CACNG2: variants seen among roughly 807,000 people sequenced by gnomAD.
CACNG2 encodes the protein calcium voltage-gated channel auxiliary subunit gamma 2, also known as voltage-dependent calcium channel gamma-2 subunit.
A neutral mutation model predicts 25.9 loss-of-function variants in CACNG2; 3 were observed. The observed-to-expected ratio is 0.12, with a 90% confidence interval of 0.05 to 0.30. The LOEUF (loss-of-function observed/expected upper bound fraction) is 0.30. CACNG2 is among the 10% of genes least tolerant of loss of function. CACNG2 has a pLI of 1.00. For missense variants in CACNG2, 341 were observed against 432.5 expected (o/e 0.79, Z 1.88); for synonymous variants, 167 against 173.3 (o/e 0.96, Z 0.29).
At chr22:36,592,096 C>G (rs1039760206) in intron 1 of CACNG2, among the ~76,000 whole-genome samples, 1 of 151,722 alleles carries the variant, frequency 6.6e-6, no homozygotes, top group Non-Finnish European at 1.5e-5. Flanking sequence ...TGGAGAGTTG[C>G]GTCTAACCAG....
chr22:36,674,454 G>A (rs887091095), intron 1 of CACNG2, among the ~76,000 whole-genome samples: 6 of 152,032 alleles, frequency 3.9e-5, no homozygotes, highest in African/African-American at 1.2e-4. Flanking sequence ...TCAGCCTCCT[G>A]GGTAGCTGGG....
chr22:36,645,333 C>T (rs540184935), intron 1 of CACNG2, among the ~76,000 whole-genome samples: 10 of 151,964 alleles, frequency 6.6e-5, no homozygotes, highest in African/African-American at 1.9e-4. Context: ...ATCAGGAGAT[C>T]GAGACCATCC....
intron 1 of CACNG2, among the ~76,000 whole-genome samples, chr22:36,699,126 T>A (rs1049656624): frequency 7.9e-5 from 12 of 152,010 alleles, no homozygotes; most frequent in African/African-American, 2.7e-4. Flanking sequence ...TCTTGAAAAG[T>A]TCATGAACTT....
At chr22:36,653,971 T>C (rs1426195126) in intron 1 of CACNG2, among the ~76,000 whole-genome samples, 3 of 108,920 alleles carry the variant, frequency 2.8e-5, no homozygotes, top group African/African-American at 4.1e-5. Flanking sequence ...TGTGTGTGTG[T>C]GTGTGTGTCT....
intron 1 of CACNG2, among the ~76,000 whole-genome samples, chr22:36,619,181 C>G (rs886301274): frequency 6.6e-6 from 1 of 152,272 alleles, no homozygotes; most frequent in South Asian, 2.1e-4. Flanking sequence ...AGGATTTCAA[C>G]TCAGTTCTGT....
At chr22:36,668,919 G>C (rs2284004) in intron 1 of CACNG2, among the ~76,000 whole-genome samples, 34,697 of 152,012 alleles carry the variant, frequency 0.23, 4,301 homozygotes, top group Middle Eastern at 0.32. Flanking sequence ...CTTCTTCAAC[G>C]TTTCTGTTCT....
At chr22:36,595,108 G>T (rs1446979151) in intron 1 of CACNG2, among the ~76,000 whole-genome samples, 1 of 148,198 alleles carries the variant, frequency 6.7e-6, no homozygotes, top group Non-Finnish European at 1.5e-5. Flanking sequence ...TGTGTGCATG[G>T]GTGTGTGTGT....
intron 2 of CACNG2, among the ~76,000 whole-genome samples, chr22:36,570,677 A>C (rs8137598): frequency 0.12 from 18,085 of 148,968 alleles, 1,746 homozygotes; most frequent in African/African-American, 0.27. Flanking sequence ...GCAGGAAGAT[A>C]GCTTCAACTT....
At chr22:36,677,977 G>T (rs1040456101) in intron 1 of CACNG2, among the ~76,000 whole-genome samples, 50 of 152,214 alleles carry the variant, frequency 3.3e-4, no homozygotes, top group African/African-American at 1.2e-3. Flanking sequence ...AAGCCAGCTT[G>T]GAAGCTGCTA....
intron 2 of CACNG2, among the ~76,000 whole-genome samples, chr22:36,580,505 C>T (rs576150600): frequency 6.6e-6 from 1 of 152,174 alleles, no homozygotes; most frequent in Non-Finnish European, 1.5e-5. Flanking sequence ...CTCTCCACTT[C>T]TGGCTATGGA....
intron 1 of CACNG2, among the ~76,000 whole-genome samples, chr22:36,611,999 G>C (rs1337736860): frequency 6.6e-6 from 1 of 152,238 alleles, no homozygotes; most frequent in East Asian, 1.9e-4. Context: ...TGGTTGTGAA[G>C]ATTAAAGAGC....
At chr22:36,611,284 G>A (rs974895592) in intron 1 of CACNG2, among the ~76,000 whole-genome samples, 1 of 152,116 alleles carries the variant, frequency 6.6e-6, no homozygotes, top group African/African-American at 2.4e-5. Flanking sequence ...GGAGGGTCCC[G>A]GCCCATTCTG....
rs1935088391 is a variant in CACNG2 at position 36,564,360 on chromosome 22, G to C, written c.963C>G (p.Thr321=). Residue 321 remains threonine (T), a synonymous_variant, in exon 4 of 4, where the codon ACC becomes ACG. Transcript: ENST00000300105. This position sits in a 1 kb window ranked among gnomAD's most constrained non-coding sequence, Gnocchi z 6.7. The part of the protein sequence containing the change: ...LHSNTANRRT[T]PV ...GCGAGGCCCGCGGTCTTTATACGGG[G>C]GTGGTCCGGCGGTTGGCTGTGTTGG... 3 of 1,613,690 alleles carry C rather than the reference G, an allele frequency of 1.9e-6. No homozygotes were observed. The East Asian group carries it at 6.7e-5, about 36-fold the overall frequency.
chr22:36,573,546 G>T (rs549304099), intron 2 of CACNG2, among the ~76,000 whole-genome samples: 9 of 152,274 alleles, frequency 5.9e-5, no homozygotes, highest in Admixed American at 5.9e-4. Flanking sequence ...TGGCCAGCCT[G>T]GTCTCGAACT....
chr22:36,673,240 C>A, intron 1 of CACNG2, among the ~76,000 whole-genome samples: 1 of 151,852 alleles, frequency 6.6e-6, no homozygotes, highest in Non-Finnish European at 1.5e-5. Context: ...TATAAAAAAA[C>A]AAAATGTGTT....
intron 1 of CACNG2, among the ~76,000 whole-genome samples, chr22:36,631,630 C>T (rs1190399519): frequency 6.6e-6 from 1 of 152,136 alleles, no homozygotes; most frequent in Non-Finnish European, 1.5e-5. Flanking sequence ...TCTCTCTGGT[C>T]CTCTGTGGAT....
intron 1 of CACNG2, among the ~76,000 whole-genome samples, chr22:36,696,856 C>CT (rs924761669): frequency 6.6e-6 from 1 of 152,100 alleles, no homozygotes; most frequent in African/African-American, 2.4e-5. Context: ...ATTATGCCTC[C>CT]TTTTTTTCCA....
chr22:36,621,429 G>C (rs1026080486), intron 1 of CACNG2, among the ~76,000 whole-genome samples: 2 of 152,094 alleles, frequency 1.3e-5, no homozygotes, highest in Admixed American at 6.5e-5. Context: ...AATTAGCCAG[G>C]CATGGAGGCA....
At chr22:36,689,992 G>A (rs1338510402) in intron 1 of CACNG2, among the ~76,000 whole-genome samples, 2 of 152,236 alleles carry the variant, frequency 1.3e-5, no homozygotes, top group East Asian at 3.8e-4. Flanking sequence ...GCCCTGCTCA[G>A]GAATGTGGGA....
Sources: allele counts gnomAD v4.1 joint callset (sites outside exome capture counted in the v4.1 genomes callset), GRCh38; gene constraint gnomAD v4.1.1; non-coding constraint Gnocchi (gnomAD v3.1); transcripts MANE v1.5; gene names NCBI Gene and HGNC (gene_info 2026-07-23, HGNC 2026-07-21).